Variants in BTBD9 observed in about 807,000 individuals in gnomAD.
The protein encoded by BTBD9 is BTB/POZ domain-containing protein 9.
A neutral mutation model predicts 64.3 loss-of-function variants in BTBD9; 49 were observed. That is an observed-to-expected ratio of 0.76 (90% CI 0.61 to 0.97). BTBD9 has a LOEUF of 0.97. Ranked by LOEUF, BTBD9 falls within the 50% of genes least tolerant of loss-of-function variation. The pLI is 0.00. For missense variants in BTBD9, 598 were observed against 762.1 expected (o/e 0.78, Z 2.53); for synonymous variants, 260 against 274.7 (o/e 0.95, Z 0.53).
At chr6:38,482,722 G>GTT (rs1771214011) in intron 6 of BTBD9, among the ~76,000 whole-genome samples, 1 of 152,112 alleles carries the variant, frequency 6.6e-6, no homozygotes, top group South Asian at 2.1e-4. Context: ...AAACAGATCT[G>GTT]TATCTGAGAT....
At chr6:38,441,173 G>T (rs1002075552) in intron 6 of BTBD9, among the ~76,000 whole-genome samples, 1 of 152,140 alleles carries the variant, frequency 6.6e-6, no homozygotes, top group Non-Finnish European at 1.5e-5. Context: ...AAGTGTTGTG[G>T]GGCTGCTGGC....
intron 1 of BTBD9, among the ~76,000 whole-genome samples, chr6:38,604,764 A>G (rs1199173489): frequency 6.6e-6 from 1 of 152,244 alleles, no homozygotes; most frequent in East Asian, 1.9e-4. Context: ...TAATATTCAA[A>G]TAATTGGCTA....
intron 6 of BTBD9, among the ~76,000 whole-genome samples, chr6:38,505,948 C>T (rs1434069790): frequency 1.0e-5 from 1 of 100,238 alleles, no homozygotes; most frequent in Non-Finnish European, 1.9e-5. Context: ...CTGGCAACAG[C>T]ATGGCTCCGT....
chr6:38,439,980 A>G (rs1768949589), intron 6 of BTBD9, among the ~76,000 whole-genome samples: 1 of 152,228 alleles, frequency 6.6e-6, no homozygotes, highest in Non-Finnish European at 1.5e-5. Context: ...TGAAGACTGC[A>G]GAAGATGGGG....
intron 6 of BTBD9, among the ~76,000 whole-genome samples, chr6:38,567,517 C>T (rs760793769): frequency 1.3e-5 from 2 of 152,220 alleles, no homozygotes; most frequent in Admixed American, 1.3e-4. Flanking sequence ...CACCTTTCTT[C>T]GCATCAATAA....
chr6:38,617,876 C>T (rs1164213917), intron 1 of BTBD9, among the ~76,000 whole-genome samples: 2 of 152,050 alleles, frequency 1.3e-5, no homozygotes, highest in African/African-American at 2.4e-5. Context: ...AGAATGCATC[C>T]GTAAGGGCTA....
chr6:38,218,612 C>T (rs1003265329), intron 9 of BTBD9, among the ~76,000 whole-genome samples: 1 of 152,122 alleles, frequency 6.6e-6, no homozygotes, highest in African/African-American at 2.4e-5. Flanking sequence ...TAGGTGTGGC[C>T]CATGTCCAGG....
chr6:38,305,642 G>A (rs778479836), intron 7 of BTBD9, among the ~76,000 whole-genome samples: 9 of 151,870 alleles, frequency 5.9e-5, no homozygotes, highest in Middle Eastern at 3.4e-3. Context: ...CCACCACACC[G>A]GGCTAATTTT....
intron 6 of BTBD9, among the ~76,000 whole-genome samples, chr6:38,500,141 G>T (rs976362014): frequency 3.3e-5 from 5 of 151,948 alleles, no homozygotes; most frequent in Non-Finnish European, 4.4e-5. Context: ...GTCAAAGAAA[G>T]AGAGATAGAA....
At chr6:38,606,492 T>C (rs1777436447) in intron 1 of BTBD9, among the ~76,000 whole-genome samples, 1 of 131,786 alleles carries the variant, frequency 7.6e-6, no homozygotes, top group South Asian at 2.3e-4. Flanking sequence ...AAAGTGACCT[T>C]TGATTATTTT....
chr6:38,183,560 T>C lies in BTBD9; in HGVS notation c.1642-8378A>G, dbSNP rs182242498. Among the ~76,000 whole-genome samples, 215 of 152,342 alleles carry C rather than the reference T, an allele frequency of 1.4e-3. 1 individual carries two copies. Among genetic ancestry groups the C allele is most frequent in the African/African-American group, 5.0e-3 (209 of 41,584 alleles). Reference sequence around the variant, plus strand: ...AGTGCTGGTTCATGGAACCAGCTTCTAGAGCCTCCACACCCCTTTCTTCTT... The same window carrying C: ...AGTGCTGGTTCATGGAACCAGCTTCCAGAGCCTCCACACCCCTTTCTTCTT... On this transcript the variant is annotated intron_variant, in intron 10 of 10. Coordinates refer to ENST00000481247, the MANE Select transcript of BTBD9 (RefSeq NM_001099272.2).
chr6:38,193,641 C>T (rs1327815843), intron 9 of BTBD9, among the ~76,000 whole-genome samples: 2 of 152,138 alleles, frequency 1.3e-5, no homozygotes, highest in Non-Finnish European at 2.9e-5. Context: ...GTGCATGGCA[C>T]CCACGACTGT....
intron 8 of BTBD9, among the ~76,000 whole-genome samples, chr6:38,277,502 T>C (rs1393374298): frequency 6.6e-6 from 1 of 151,976 alleles, no homozygotes; most frequent in Non-Finnish European, 1.5e-5. Flanking sequence ...CCTGGCTAAT[T>C]TTTGTATTTT....
intron 6 of BTBD9, among the ~76,000 whole-genome samples, chr6:38,490,729 G>A (rs1378124897): frequency 6.6e-6 from 1 of 152,222 alleles, no homozygotes; most frequent in Non-Finnish European, 1.5e-5. Flanking sequence ...ACCTGTCAGT[G>A]AGAAGAGGGA....
intron 7 of BTBD9, among the ~76,000 whole-genome samples, chr6:38,323,545 T>C (rs757586567): frequency 1.3e-5 from 2 of 152,228 alleles, no homozygotes; most frequent in African/African-American, 2.4e-5. Flanking sequence ...ATACATCATA[T>C]GTTTTGTGGC....
rs569765319 is a variant in BTBD9 at position 38,323,821 on chromosome 6, A to G, written c.1264+21163T>C. 7.9e-5 allele frequency among the ~76,000 whole-genome samples: 12 copies of G among 152,230 alleles called. No individual in the cohort carries two copies. The South Asian group carries it at 1.9e-3, about 24-fold the overall frequency. On this transcript the variant is annotated intron_variant, in intron 7 of 10. Coordinates refer to ENST00000481247, the MANE Select transcript of BTBD9 (RefSeq NM_001099272.2). The stretch of plus-strand genomic sequence containing the variant: ...AGTTAAAAATTACTCTGTAAAGCCC[A>G]GGTGTGGTGGCTCACACCTGTAATT...
chr6:38,484,727 C>T (rs9394502), intron 6 of BTBD9, among the ~76,000 whole-genome samples: 52,854 of 151,852 alleles, frequency 0.35, 9,641 homozygotes, highest in East Asian at 0.62. Flanking sequence ...GCATTATGTC[C>T]AAAAAAAGTA....
At chr6:38,621,147 A>T (rs1777967682) in intron 1 of BTBD9, among the ~76,000 whole-genome samples, 1 of 152,212 alleles carries the variant, frequency 6.6e-6, no homozygotes, top group Non-Finnish European at 1.5e-5. Context: ...AGCCTATCAA[A>T]ATAGTACAAG....
At chr6:38,339,180 G>A (rs1764011078) in intron 7 of BTBD9, among the ~76,000 whole-genome samples, 1 of 152,220 alleles carries the variant, frequency 6.6e-6, no homozygotes, top group South Asian at 2.1e-4. Flanking sequence ...AGCACTATTT[G>A]TAGTAGTGGA....
Sources: allele counts gnomAD v4.1 joint callset (sites outside exome capture counted in the v4.1 genomes callset), GRCh38; gene constraint gnomAD v4.1.1; transcripts MANE v1.5; gene names NCBI Gene and HGNC (gene_info 2026-07-23, HGNC 2026-07-21).